Variants in MYO3B observed in about 807,000 individuals in gnomAD.
MYO3B encodes myosin-IIIb.
In MYO3B, 156 loss-of-function variants were observed where a neutral mutation model predicts 174.6. The ratio of observed to expected loss-of-function variants is 0.89; its 90% CI spans 0.78 to 1.02. MYO3B has a LOEUF of 1.02. MYO3B is among the 50% of genes least tolerant of loss of function. The pLI is 0.00. For synonymous variants in MYO3B, 563 were observed against 569.1 expected (o/e 0.99, Z 0.15); for missense variants, 1,632 against 1,639.4 (o/e 1.00, Z 0.08).
intron 23 of MYO3B, among the ~76,000 whole-genome samples, chr2:170,445,786 A>G (rs1163582170): frequency 6.6e-6 from 1 of 152,154 alleles, no homozygotes; most frequent in Non-Finnish European, 1.5e-5. Flanking sequence ...GGTGGGCACC[A>G]CCATACCTGG....
intron 32 of MYO3B, among the ~76,000 whole-genome samples, chr2:170,615,766 TG>T (rs1695425736): frequency 6.6e-6 from 1 of 152,158 alleles, no homozygotes; most frequent in African/African-American, 2.4e-5. Context: ...TAGTGAAAGC[TG>T]GGTCCAGGGG....
intron 3 of MYO3B, among the ~76,000 whole-genome samples, chr2:170,200,969 T>A (rs1038564179): frequency 6.6e-6 from 1 of 152,114 alleles, no homozygotes; most frequent in African/African-American, 2.4e-5. Flanking sequence ...TTCTCTGAAG[T>A]GGAAGCCAAC....
intron 22 of MYO3B, among the ~76,000 whole-genome samples, chr2:170,432,725 T>C (rs181869305): frequency 0.023 from 3,477 of 152,052 alleles, 59 homozygotes; most frequent in Non-Finnish European, 0.034. Flanking sequence ...TACAGGCGCC[T>C]GCCACCATGC....
At chr2:170,248,392 A>T (rs955766631) in intron 7 of MYO3B, among the ~76,000 whole-genome samples, 1 of 152,186 alleles carries the variant, frequency 6.6e-6, no homozygotes, top group Admixed American at 6.5e-5. Context: ...TCTGAGCTGC[A>T]TACCTCTTGT....
chr2:170,429,851 T>C (rs2094694455), intron 22 of MYO3B, among the ~76,000 whole-genome samples: 1 of 152,178 alleles, frequency 6.6e-6, no homozygotes, highest in South Asian at 2.1e-4. Flanking sequence ...AGATTTATTC[T>C]AACACTCACC....
chr2:170,257,352 A>G (rs1411904901), intron 7 of MYO3B, among the ~76,000 whole-genome samples: 2 of 152,112 alleles, frequency 1.3e-5, no homozygotes, highest in South Asian at 4.1e-4. Flanking sequence ...ACAAGTCTCG[A>G]TAAATTCAAA....
At chr2:170,178,906 A>G (rs2092364401) in intron 1 of MYO3B, among the ~76,000 whole-genome samples, 1 of 152,316 alleles carries the variant, frequency 6.6e-6, no homozygotes, top group Non-Finnish European at 1.5e-5. Context: ...TGGTAACATG[A>G]CAATGTAAAC....
At position 170,206,223 on chromosome 2, in the gene MYO3B, G is replaced by T. The variant is rs1470602260; in HGVS notation, c.321+5939G>T. ...ATCTTCTTTCCCTTCATGTCCACCTGCCCCAAACCCATTTGTCCTTCAAAC... is the reference window on the plus strand; with the variant it reads ...ATCTTCTTTCCCTTCATGTCCACCTTCCCCAAACCCATTTGTCCTTCAAAC... On this transcript the variant is annotated intron_variant, in intron 3 of 34. Transcript: ENST00000408978. The surrounding 1 kb of genome is among the most constrained non-coding windows in gnomAD (Gnocchi z 4.3). 6.6e-6 allele frequency among the ~76,000 whole-genome samples: 1 copy of T among 151,882 alleles called. No homozygotes were observed. Among genetic ancestry groups the T allele is most frequent in the Non-Finnish European group, 1.5e-5 (1 of 67,992 alleles).
chr2:170,210,210 AC>A (rs905339465), intron 3 of MYO3B, among the ~76,000 whole-genome samples: 1 of 152,236 alleles, frequency 6.6e-6, no homozygotes, highest in Non-Finnish European at 1.5e-5. Flanking sequence ...TTACAAAAAA[AC>A]TATATAATAC....
At chr2:170,393,084 C>CT (rs11427527) in intron 16 of MYO3B, among the ~76,000 whole-genome samples, 23,736 of 133,622 alleles carry the variant, frequency 0.18, 2,337 homozygotes, top group East Asian at 0.28. Flanking sequence ...TACTGTACTA[C>CT]TTTTTTTTTT....
chr2:170,278,267 A>G (rs1197538877), intron 7 of MYO3B, among the ~76,000 whole-genome samples: 2 of 152,140 alleles, frequency 1.3e-5, no homozygotes, highest in African/African-American at 2.4e-5. Flanking sequence ...AATTTTAAGA[A>G]TGTCGTAGTC....
At chr2:170,465,051 TC>T (rs1331949891) in intron 24 of MYO3B, among the ~76,000 whole-genome samples, 7 of 151,590 alleles carry the variant, frequency 4.6e-5, no homozygotes, top group Non-Finnish European at 8.8e-5. Flanking sequence ...TTTTGTATTT[TC>T]ACTAGAGATG....
chr2:170,432,906 A>G (rs1448215007), intron 22 of MYO3B, among the ~76,000 whole-genome samples: 4 of 152,202 alleles, frequency 2.6e-5, no homozygotes, highest in Non-Finnish European at 4.4e-5. Flanking sequence ...AATTTAGTGT[A>G]GCCTAAGTGT....
At chr2:170,401,739 C>T (rs2094477515) in intron 18 of MYO3B, 48 bp downstream of exon 18, 2 of 1,549,536 alleles carry the variant, frequency 1.3e-6, no homozygotes, top group Non-Finnish European at 8.8e-7. Flanking sequence ...GTCATTGACC[C>T]CGCCGTCTCT....
chr2:170,448,368 T>A (rs1451089514), intron 23 of MYO3B, among the ~76,000 whole-genome samples: 4 of 152,192 alleles, frequency 2.6e-5, no homozygotes, highest in Non-Finnish European at 5.9e-5. Context: ...TCAGTCCCTT[T>A]CTTTGGGTTT....
At chr2:170,438,282 G>C (rs375562199) in intron 22 of MYO3B, among the ~76,000 whole-genome samples, 1 of 151,974 alleles carries the variant, frequency 6.6e-6, no homozygotes, top group Admixed American at 6.6e-5. Context: ...TTAAGGCTGG[G>C]TATTCAATTG....
At chr2:170,245,110 T>C (rs1330010904) in intron 7 of MYO3B, among the ~76,000 whole-genome samples, 2 of 152,212 alleles carry the variant, frequency 1.3e-5, no homozygotes, top group Non-Finnish European at 2.9e-5. Context: ...TCCTGCCAAC[T>C]GAACATTTAA....
intron 23 of MYO3B, among the ~76,000 whole-genome samples, chr2:170,462,894 G>A (rs879633667): frequency 7.0e-6 from 1 of 141,948 alleles, no homozygotes; most frequent in Non-Finnish European, 1.5e-5. Context: ...GGGAACTGTG[G>A]GTGGTAGGAG....
chr2:170,449,171 G>A (rs148680763), intron 23 of MYO3B, among the ~76,000 whole-genome samples: 243 of 152,234 alleles, frequency 1.6e-3, no homozygotes, highest in African/African-American at 5.2e-3. Flanking sequence ...CCCAGTACAC[G>A]GACTGTGTAG....
Sources: gnomAD v4.1 joint callset for allele counts (sites outside exome capture counted in the v4.1 genomes callset) on GRCh38, gnomAD v4.1.1 for gene constraint, Gnocchi (gnomAD v3.1) non-coding constraint, MANE v1.5 for transcripts, NCBI Gene and HGNC (gene_info 2026-07-23, HGNC 2026-07-21) for gene names.